DIS3: variants seen among roughly 807,000 people sequenced by gnomAD.
The protein encoded by DIS3 is DIS3 exosome endoribonuclease and 3'-5' exoribonuclease.
Under a neutral mutation model 113.0 loss-of-function variants are expected in DIS3, and 103 were observed. The observed-to-expected ratio is 0.91, with a 90% CI of 0.78 to 1.07. DIS3 has a LOEUF of 1.07. DIS3 is among the 50% of genes least tolerant of loss of function. The pLI is 0.00. For missense variants in DIS3, 1,121 were observed against 1,167.1 expected, an observed-to-expected ratio of 0.96 and a Z score of 0.58; for synonymous variants, 402 against 394.3, an observed-to-expected ratio of 1.02 and a Z score of -0.23.
chr13:72,772,664 A>G, intron 9 of DIS3, 29 bp downstream of exon 9: 1 of 1,580,098 alleles, frequency 6.3e-7, no homozygotes. Flanking sequence ...AATAATTTAT[A>G]AAGTCACTAC....
Position 72,768,785 on chromosome 13 carries a change from C to A in DIS3, c.1883G>T (p.Gly628Val). Residue 628 changes from glycine to valine, a missense_variant and splice_region_variant, in exon 14 of 21, where the codon GGG becomes GTG. Around this residue, in one of 3 missense-constraint regions of DIS3, gnomAD observed 861 missense variants for 915.5 expected, o/e 0.94. Transcript: ENST00000377767. ...KILKKRRIEK[G>V]ALTLSSPEVR... ...TAATACTATGAAAAACAAAATATAC[C>A]CTTTTTCAATCCTTCTTTTCTTCAG... is the stretch of plus-strand genomic sequence containing the variant. 1 of 1,589,962 alleles carries A rather than the reference C, an allele frequency of 6.3e-7. No individual in the cohort carries two copies. The highest frequency in any genetic ancestry group is 8.6e-7 in the Non-Finnish European group (1 of 1,167,406).
At chr13:72,763,359 T>A in intron 16 of DIS3, 92 bp downstream of exon 16, 1 of 1,414,660 alleles carries the variant, frequency 7.1e-7, no homozygotes. Context: ...TAACAAACAA[T>A]AAAACCTTTA....
At chr13:72,772,548 A>T (rs1193246957) in intron 9 of DIS3, 145 bp downstream of exon 9, 1 of 912,406 alleles carries the variant, frequency 1.1e-6, no homozygotes, top group Admixed American at 3.4e-5. Context: ...GACTTCTTCT[A>T]TAATTCCTAA....
intron 8 of DIS3, 62 bp from the exon 9 acceptor site, chr13:72,772,901 T>G (rs9573030): frequency 6.7e-7 from 1 of 1,492,606 alleles, no homozygotes; most frequent in East Asian, 2.3e-5. Context: ...CTTATCATAT[T>G]AAATTCTTCA....
intron 3 of DIS3, among the ~76,000 whole-genome samples, chr13:72,777,723 G>A (rs2034051136): frequency 6.6e-6 from 1 of 151,478 alleles, no homozygotes; most frequent in South Asian, 2.1e-4. Flanking sequence ...GAGTAGCTGG[G>A]ACTATAGTTA....
chr13:72,772,920 A>AT, intron 8 of DIS3, 81 bp from the exon 9 acceptor site: 2 of 1,422,506 alleles, frequency 1.4e-6, no homozygotes, highest in Non-Finnish European at 1.9e-6. Context: ...CAGCATTTAC[A>AT]TATCTTCTCA....
intron 16 of DIS3, among the ~76,000 whole-genome samples, chr13:72,762,507 G>C (rs2033650975): frequency 6.6e-6 from 1 of 152,206 alleles, no homozygotes; most frequent in Non-Finnish European, 1.5e-5. Context: ...AGCTGGGCAT[G>C]CATGCCGTAA....
At chr13:72,779,121 T>C (rs76422408) in intron 2 of DIS3, among the ~76,000 whole-genome samples, 15,927 of 151,520 alleles carry the variant, frequency 0.11, 1,149 homozygotes, top group Non-Finnish European at 0.16. Flanking sequence ...CACTTGCTAA[T>C]GCTTTTTTTT....
At chr13:72,765,490 A>G (rs2033722709) in intron 15 of DIS3, among the ~76,000 whole-genome samples, 1 of 152,142 alleles carries the variant, frequency 6.6e-6, no homozygotes, top group African/African-American at 2.4e-5. Context: ...TGGTTTCATC[A>G]GGCATTAGAT....
chr13:72,760,673 A>G, intron 19 of DIS3, 22 bp from the exon 20 acceptor site: 1 of 1,607,910 alleles, frequency 6.2e-7, no homozygotes, highest in Non-Finnish European at 8.5e-7. Flanking sequence ...ACATTTTATC[A>G]TTCTTAATTG....
chr13:72,770,960 T>G lies in DIS3; in HGVS notation c.1699A>C (p.Asn567His). ...GTTTTTAAGATTTCAGCATTGTGAT[T>G]CATTTCCCAAATACATGAAAATGCC... ...RLAFSCIWEM[N>H]HNAEILKTKF... Residue 567 changes from asparagine to histidine, a missense_variant, in exon 13 of 21, where the codon AAT becomes CAT. Transcript: ENST00000377767. 1 of 1,600,988 alleles carries G rather than the reference T, an allele frequency of 6.2e-7. No homozygotes were observed. The highest frequency in any genetic ancestry group is 1.3e-5 in the African/African-American group (1 of 74,824).
intron 14 of DIS3, among the ~76,000 whole-genome samples, chr13:72,766,962 T>G (rs571973397): frequency 1.1e-4 from 16 of 152,274 alleles, no homozygotes; most frequent in African/African-American, 3.6e-4. Flanking sequence ...AAAAAGAGAA[T>G]CTCAAAAATA....
At chr13:72,770,840 T>C in intron 13 of DIS3, 64 bp downstream of exon 13, 1 of 1,157,492 alleles carries the variant, frequency 8.6e-7, no homozygotes, top group South Asian at 1.7e-5. Flanking sequence ...AAAAATTTAT[T>C]TAGCTTTTTT....
In DIS3 at chr13:72,756,381, T is replaced by C. The variant is rs530788515; in HGVS notation, c.*3414A>G. 1.3e-5 allele frequency: 2 copies of C among 154,854 alleles called. No individual in the cohort carries two copies. The highest frequency in any genetic ancestry group is 4.1e-4 in the South Asian group (2 of 4,848). 9.6% of individuals were successfully genotyped at this position (154,854 alleles called of 1,614,324 possible). On this transcript the variant is annotated 3_prime_UTR_variant, in exon 21 of 21. Coordinates refer to ENST00000377767, the MANE Select transcript of DIS3 (RefSeq NM_014953.5). The stretch of plus-strand genomic sequence containing the variant: ...GTCTTTAATCACACAGGTGTTAAAC[T>C]CAATATAAATTTACCTAAAAACAAT...
chr13:72,763,260 G>A (rs553158879), intron 16 of DIS3, among the ~76,000 whole-genome samples, 191 bp downstream of exon 16: 3 of 152,016 alleles, frequency 2.0e-5, no homozygotes, highest in African/African-American at 4.8e-5. Context: ...AGCCGAGATC[G>A]TGCCACTGCA....
At chr13:72,767,641 A>G (rs931380334) in intron 14 of DIS3, among the ~76,000 whole-genome samples, 3 of 152,228 alleles carry the variant, frequency 2.0e-5, no homozygotes, top group African/African-American at 4.8e-5. Context: ...GAAATGTTCT[A>G]TGTGTGCCCT....
At chr13:72,781,201 A>C in intron 1 of DIS3, 198 bp from the exon 2 acceptor site, 1 of 1,502,028 alleles carries the variant, frequency 6.7e-7, no homozygotes, top group Non-Finnish European at 9.1e-7. Context: ...AGCACACTTA[A>C]ACAGACCAAT....
At chr13:72,780,261 G>A (rs2034131127) in intron 2 of DIS3, among the ~76,000 whole-genome samples, 1 of 145,418 alleles carries the variant, frequency 6.9e-6, no homozygotes, top group Admixed American at 7.0e-5. Context: ...GGGAGGTGGA[G>A]GTTGCAGTGA....
At chr13:72,768,169 C>T (rs1484606519) in intron 14 of DIS3, among the ~76,000 whole-genome samples, 3 of 152,148 alleles carry the variant, frequency 2.0e-5, no homozygotes, top group African/African-American at 7.2e-5. Context: ...CCTCTGAAAC[C>T]TAATGTCCAA....
Sources: allele counts gnomAD v4.1 joint callset (sites outside exome capture counted in the v4.1 genomes callset), GRCh38; gene constraint gnomAD v4.1.1; regional missense constraint gnomAD v4.1.1; transcripts MANE v1.5; gene names NCBI Gene and HGNC (gene_info 2026-07-23, HGNC 2026-07-21).